The following CNTNAP2 variants were observed in gnomAD, a reference collection of about 807,000 sequenced individuals.
CNTNAP2 encodes contactin associated protein 2, also known as contactin-associated protein-like 2.
Under a neutral mutation model 155.2 loss-of-function variants are expected in CNTNAP2, and 98 were observed. The ratio of observed to expected loss-of-function variants is 0.63; its 90% confidence interval spans 0.54 to 0.75. The LOEUF is 0.75. Among genes scored for constraint, CNTNAP2 ranks in the 30% least tolerant of loss-of-function variants. The probability of loss-of-function intolerance (pLI) is 0.00; values close to 1 mark genes in which losing one functional copy is unlikely to be tolerated. For synonymous variants in CNTNAP2, 651 were observed against 631.2 expected, an observed-to-expected ratio of 1.03 and a Z score of -0.47; for missense variants, 1,727 against 1,688.1, an observed-to-expected ratio of 1.02 and a Z score of -0.40.
At chr7:146,998,724 A>G (rs1202159181) in intron 3 of CNTNAP2, among the ~76,000 whole-genome samples, 2 of 151,970 alleles carry the variant, frequency 1.3e-5, no homozygotes, top group Admixed American at 1.3e-4. Context: ...TTGGGTGTAT[A>G]TATTTATAAT....
intron 15 of CNTNAP2, among the ~76,000 whole-genome samples, chr7:148,081,216 T>C (rs562105653): frequency 1.3e-5 from 2 of 152,062 alleles, no homozygotes; most frequent in African/African-American, 2.4e-5. Flanking sequence ...TATTCCAAAG[T>C]GTGATTTTTT....
intron 10 of CNTNAP2, among the ~76,000 whole-genome samples, chr7:147,438,449 G>C (rs1003573303): frequency 6.6e-6 from 1 of 151,900 alleles, no homozygotes; most frequent in Non-Finnish European, 1.5e-5. Context: ...GCATCTCAGG[G>C]ATAAATCCCC....
chr7:146,930,009 C>T (rs975784467), intron 3 of CNTNAP2, among the ~76,000 whole-genome samples: 32 of 152,142 alleles, frequency 2.1e-4, no homozygotes, highest in Non-Finnish European at 4.0e-4. Flanking sequence ...AGTTGGAAAA[C>T]ACTCTGCAGG....
At chr7:146,290,774 A>G (rs1208157897) in intron 1 of CNTNAP2, among the ~76,000 whole-genome samples, 1 of 152,234 alleles carries the variant, frequency 6.6e-6, no homozygotes, top group Non-Finnish European at 1.5e-5. Context: ...AGTTCAGACG[A>G]ATGAACTGAG....
chr7:146,178,243 C>G (rs1184170867), intron 1 of CNTNAP2, among the ~76,000 whole-genome samples: 1 of 152,120 alleles, frequency 6.6e-6, no homozygotes. Flanking sequence ...CCGTGTTAGC[C>G]AGGATGCTTT....
In CNTNAP2 at chr7:148,189,607, C is replaced by T. The variant is rs931647615; in HGVS notation, c.3010+17129C>T. Among the ~76,000 whole-genome samples, 5 of 152,176 alleles carry T rather than the reference C, an allele frequency of 3.3e-5. No homozygotes were observed. In the East Asian group the frequency reaches 9.7e-4, roughly 29 times the overall value. Reference sequence around the variant, plus strand: ...GCCATGGGATGATACAACAAGAGGGCTCTCACAAGACGACATCCCCTCGAT... The same window carrying T: ...GCCATGGGATGATACAACAAGAGGGTTCTCACAAGACGACATCCCCTCGAT... On this transcript the variant is annotated intron_variant, in intron 18 of 23. Coordinates refer to ENST00000361727, the MANE Select transcript of CNTNAP2 (RefSeq NM_014141.6).
intron 12 of CNTNAP2, among the ~76,000 whole-genome samples, chr7:147,604,050 A>T (rs111284313): frequency 2.0e-5 from 3 of 151,974 alleles, no homozygotes; most frequent in Admixed American, 6.6e-5. Flanking sequence ...TCCCTTCCTT[A>T]CACCTTATAC....
Position 146,310,543 on chromosome 7 carries a change from T to C in CNTNAP2, c.97+193570T>C, listed in dbSNP as rs141845708. Reference sequence around the variant, plus strand: ...TTTTCCTGTTTTTTTTTCTTTTGTCTTCTTTGGCTATTTTGATGCCTTTTA... The same window carrying C: ...TTTTCCTGTTTTTTTTTCTTTTGTCCTCTTTGGCTATTTTGATGCCTTTTA... On this transcript the variant is annotated intron_variant, in intron 1 of 23. Coordinates refer to ENST00000361727, the MANE Select transcript of CNTNAP2 (RefSeq NM_014141.6). Among the ~76,000 whole-genome samples, 496 of 152,264 alleles carry C rather than the reference T, an allele frequency of 3.3e-3. 2 individuals carry two copies. The highest frequency in any genetic ancestry group is 0.012 in the African/African-American group (479 of 41,572).
chr7:146,531,607 A>G (rs1363424116), intron 1 of CNTNAP2, among the ~76,000 whole-genome samples: 1 of 152,144 alleles, frequency 6.6e-6, no homozygotes, highest in East Asian at 1.9e-4. Flanking sequence ...GTGCAATGGC[A>G]TGATCAAGGC....
intron 1 of CNTNAP2, among the ~76,000 whole-genome samples, chr7:146,295,496 A>G (rs536387910): frequency 1.3e-5 from 2 of 152,314 alleles, no homozygotes; most frequent in South Asian, 4.1e-4. Flanking sequence ...GTTCTCCCAG[A>G]GTATTCAAAT....
intron 1 of CNTNAP2, among the ~76,000 whole-genome samples, chr7:146,549,001 G>T (rs563351166): frequency 1.3e-5 from 2 of 150,978 alleles, no homozygotes; most frequent in South Asian, 4.2e-4. Flanking sequence ...GTCTTAATTT[G>T]GGACTTTAAT....
intron 10 of CNTNAP2, among the ~76,000 whole-genome samples, chr7:147,463,574 G>A (rs943073329): frequency 6.6e-6 from 1 of 152,122 alleles, no homozygotes; most frequent in African/African-American, 2.4e-5. Context: ...CCTTCTGAAG[G>A]ATCAGAAAAC....
At chr7:148,369,181 C>CTTTTTTTTTTTTTTTTTTTTTTT (rs376460265) in intron 21 of CNTNAP2, among the ~76,000 whole-genome samples, 1 of 92,306 alleles carries the variant, frequency 1.1e-5, no homozygotes, top group Non-Finnish European at 1.8e-5. Context: ...AATTGAATCC[C>CTTTTTTTTTTTTTTTTTTTTTTT]TTTTTTTTTT....
At chr7:147,633,948 C>A (rs1209011003) in intron 12 of CNTNAP2, among the ~76,000 whole-genome samples, 1 of 152,094 alleles carries the variant, frequency 6.6e-6, no homozygotes, top group African/African-American at 2.4e-5. Context: ...ATTAAAAAAT[C>A]AAAAAATAAC....
chr7:146,536,493 CAAT>C (rs1227409271), intron 1 of CNTNAP2, among the ~76,000 whole-genome samples: 1 of 151,712 alleles, frequency 6.6e-6, no homozygotes, highest in African/African-American at 2.4e-5. Context: ...GAGGGTGAGG[CAAT>C]AAGAGACACA....
chr7:147,737,330 G>A (rs1052413993), intron 13 of CNTNAP2, among the ~76,000 whole-genome samples: 2 of 152,146 alleles, frequency 1.3e-5, no homozygotes, highest in East Asian at 3.9e-4. Flanking sequence ...AGAGGCTGCA[G>A]AACAGTGAAT....
chr7:147,145,948 C>T (rs1801693136), intron 8 of CNTNAP2, among the ~76,000 whole-genome samples: 1 of 152,094 alleles, frequency 6.6e-6, no homozygotes, highest in South Asian at 2.1e-4. Flanking sequence ...CTCTATTTTT[C>T]TAAATATTTG....
At chr7:146,924,734 T>G (rs138054389) in intron 3 of CNTNAP2, among the ~76,000 whole-genome samples, 1 of 152,176 alleles carries the variant, frequency 6.6e-6, no homozygotes, top group African/African-American at 2.4e-5. Context: ...AATTCTAATC[T>G]TAATTGTAGT....
At chr7:146,176,445 G>T (rs1227888623) in intron 1 of CNTNAP2, among the ~76,000 whole-genome samples, 1 of 152,074 alleles carries the variant, frequency 6.6e-6, no homozygotes, top group East Asian at 1.9e-4. Context: ...AGTGATTTTG[G>T]CTCTCATTTT....
Sources: gnomAD v4.1 joint callset for allele counts (sites outside exome capture counted in the v4.1 genomes callset) on GRCh38, gnomAD v4.1.1 for gene constraint, MANE v1.5 for transcripts, NCBI Gene and HGNC (gene_info 2026-07-23, HGNC 2026-07-21) for gene names.